REDIC1: variants seen among roughly 807,000 people sequenced by gnomAD.
The protein encoded by REDIC1 is regulator of DNA class I crossover intermediates 1, also known as HEI10 Interacting Protein 1.
At chr12:39,789,757 A>G in the REDIC1 span, among the ~76,000 whole-genome samples, 2 of 152,184 alleles carry the variant, frequency 1.3e-5, no homozygotes, top group African/African-American at 2.4e-5. Context: ...TGGTATGCCA[A>G]TATCGTTCTA....
the REDIC1 span, among the ~76,000 whole-genome samples, chr12:39,639,261 A>G: frequency 1.3e-5 from 2 of 151,934 alleles, no homozygotes; most frequent in African/African-American, 4.8e-5. Context: ...ATGCAGCAGA[A>G]TATATAGGGT....
the REDIC1 span, among the ~76,000 whole-genome samples, chr12:39,805,493 C>G: frequency 7.6e-6 from 1 of 132,212 alleles, no homozygotes; most frequent in Non-Finnish European, 1.6e-5. Flanking sequence ...TACTCTGTCT[C>G]TTAGGTTAAT....
At chr12:39,685,950 T>G in the REDIC1 span, among the ~76,000 whole-genome samples, 1 of 152,210 alleles carries the variant, frequency 6.6e-6, no homozygotes, top group South Asian at 2.1e-4. Context: ...AGCTCCAAAA[T>G]AATCTCCCTT....
At chr12:39,741,469 A>T in the REDIC1 span, among the ~76,000 whole-genome samples, 4 of 152,196 alleles carry the variant, frequency 2.6e-5, no homozygotes, top group Non-Finnish European at 5.9e-5. Context: ...TTTGTCATGC[A>T]GTTCATTTCA....
chr12:39,759,733 T>A, the REDIC1 span: 2 of 304,532 alleles, frequency 6.6e-6, no homozygotes. Flanking sequence ...AGGATACCAC[T>A]GAAGTCACTG....
the REDIC1 span, chr12:39,871,672 T>C: frequency 7.3e-6 from 7 of 963,394 alleles, no homozygotes; most frequent in South Asian, 3.0e-5. Flanking sequence ...AGAAGAACTC[T>C]AATTTTTTTG....
the REDIC1 span, among the ~76,000 whole-genome samples, chr12:39,683,693 C>T: frequency 6.6e-6 from 1 of 151,444 alleles, no homozygotes; most frequent in African/African-American, 2.4e-5. Context: ...TCCCAAATAC[C>T]TTCTTATCTG....
chr12:39,745,100 A>G, the REDIC1 span, among the ~76,000 whole-genome samples: 1 of 152,228 alleles, frequency 6.6e-6, no homozygotes, highest in Admixed American at 6.5e-5. Context: ...GGGTTAATTC[A>G]TAATTGTAAA....
At chr12:39,699,321 G>A in the REDIC1 span, among the ~76,000 whole-genome samples, 26 of 152,296 alleles carry the variant, frequency 1.7e-4, no homozygotes, top group Non-Finnish European at 3.5e-4. Context: ...CCCTTTCCTA[G>A]TCAAAGAAAG....
At chr12:39,663,809 A>C in the REDIC1 span, among the ~76,000 whole-genome samples, 2 of 152,016 alleles carry the variant, frequency 1.3e-5, no homozygotes, top group African/African-American at 4.8e-5. Context: ...TTGAGGTGAA[A>C]AAGTCACCAA....
the REDIC1 span, among the ~76,000 whole-genome samples, chr12:39,865,754 T>C: frequency 6.6e-6 from 1 of 152,170 alleles, no homozygotes; most frequent in Non-Finnish European, 1.5e-5. Flanking sequence ...GAGGCCATGA[T>C]CTTTAGCAAA....
At chr12:39,678,336 C>T in the REDIC1 span, among the ~76,000 whole-genome samples, 1 of 151,968 alleles carries the variant, frequency 6.6e-6, no homozygotes, top group Non-Finnish European at 1.5e-5. Context: ...AGAAAATCTA[C>T]AGGAGATTGA....
the REDIC1 span, among the ~76,000 whole-genome samples, chr12:39,696,565 AAAAAAAAAAAAAAAAT>A: frequency 2.1e-5 from 3 of 141,912 alleles, no homozygotes; most frequent in African/African-American, 8.1e-5. Context: ...AAAAAAAAAA[AAAAAAAAAAAAAAAAT>A]AACGCACCAA....
chr12:39,843,002 T>A, the REDIC1 span, among the ~76,000 whole-genome samples: 1 of 152,046 alleles, frequency 6.6e-6, no homozygotes, highest in South Asian at 2.1e-4. Context: ...TTCATGTATC[T>A]ATTTGTCAGC....
At chr12:39,785,353 C>T in the REDIC1 span, among the ~76,000 whole-genome samples, 1 of 152,226 alleles carries the variant, frequency 6.6e-6, no homozygotes, top group Admixed American at 6.5e-5. Context: ...AGCCCTAAGC[C>T]TTGGCAGCTT....
chr12:39,722,047 G>A, the REDIC1 span: 1 of 152,032 alleles, frequency 6.6e-6, no homozygotes, highest in South Asian at 2.1e-4. Flanking sequence ...ATTGACACTT[G>A]TTTTGATATA....
the REDIC1 span, among the ~76,000 whole-genome samples, chr12:39,662,653 A>T: frequency 6.6e-6 from 1 of 151,912 alleles, no homozygotes; most frequent in Non-Finnish European, 1.5e-5. Flanking sequence ...TCTGGCTAGG[A>T]CCTCCAATAC....
chr12:39,812,379 TTTCTTTCTTTC>T, the REDIC1 span, among the ~76,000 whole-genome samples: 1 of 138,204 alleles, frequency 7.2e-6, no homozygotes, highest in Non-Finnish European at 1.6e-5. Flanking sequence ...TTTCTTTTCT[TTTCTTTCTTTC>T]TCTCTCTCTT....
the REDIC1 span, among the ~76,000 whole-genome samples, chr12:39,726,778 C>G: frequency 6.6e-6 from 1 of 152,282 alleles, no homozygotes; most frequent in East Asian, 1.9e-4. Context: ...ACACTCCCAC[C>G]AACAGTGTAA....
Sources: gnomAD v4.1 joint callset for allele counts (sites outside exome capture counted in the v4.1 genomes callset) on GRCh38, gnomAD v4.1.1 for gene constraint, MANE v1.5 for transcripts, NCBI Gene and HGNC (gene_info 2026-07-23, HGNC 2026-07-21) for gene names.